Variants in PSG6 observed in about 807,000 individuals in gnomAD.
PSG6 encodes the protein pregnancy specific beta-1-glycoprotein 6, also known as pregnancy-specific beta-1-glycoprotein 6.
PSG6 carries 51 observed loss-of-function variants against 43.3 expected under a neutral mutation model. That is an observed-to-expected ratio of 1.18 (90% CI 0.94 to 1.49). The LOEUF (loss-of-function observed/expected upper bound fraction) is 1.49. PSG6 is among the 40% of genes most tolerant of loss of function. PSG6 has a pLI of 0.00. For synonymous variants in PSG6, 292 were observed against 197.6 expected (o/e 1.48, Z -4.01); for missense variants, 770 against 522.2 (o/e 1.47, Z -4.62).
In PSG6 at chr19:42,902,409, C is replaced by G. The variant is rs1356919104; in HGVS notation, c.*3G>C. On this transcript the variant is annotated 3_prime_UTR_variant, in exon 6 of 6. Transcript: ENST00000187910. ...TTTCTCAGTGTCTCTATTGTGGCAGCCATTAATGAGACTCTGTCTGGTTTC... is the reference window on the plus strand; with the variant it reads ...TTTCTCAGTGTCTCTATTGTGGCAGGCATTAATGAGACTCTGTCTGGTTTC... The G allele has an allele frequency of 1.2e-5, 20 of 1,610,624 alleles. No individual in the cohort carries two copies. Among genetic ancestry groups the G allele is most frequent in the Non-Finnish European group, 1.6e-5 (19 of 1,178,112 alleles).
chr19:42,908,246 T>C (rs1055241686), intron 3 of PSG6, among the ~76,000 whole-genome samples: 1 of 151,650 alleles, frequency 6.6e-6, no homozygotes, highest in African/African-American at 2.4e-5. Flanking sequence ...CCCCCCTAGA[T>C]GTGATTTCTC....
chr19:42,914,943 C>G (rs890022698), intron 2 of PSG6, among the ~76,000 whole-genome samples: 5 of 151,584 alleles, frequency 3.3e-5, no homozygotes, highest in African/African-American at 4.8e-5. Context: ...TTTTTTTGCA[C>G]TGACTCTGGC....
In PSG6 at chr19:42,909,657, T is replaced by C. The variant is rs560690382; in HGVS notation, c.706+923A>G. 2.0e-5 allele frequency: 3 copies of C among 151,912 alleles called. 1 individual carries two copies. In the South Asian group the frequency reaches 6.3e-4, roughly 32 times the overall value. 9.4% of individuals were successfully genotyped at this position (151,912 alleles called of 1,614,324 possible). A position where few individuals can be genotyped will look rare whatever the true frequency, so the allele number is the denominator to read the frequency against. ...TTTGGTTAAACTTATTCCAAAATAT[T>C]TTATTCCTTTTGATGTTAATGTGAA... On this transcript the variant is annotated intron_variant, in intron 3 of 5. Coordinates refer to ENST00000187910, the MANE Select transcript of PSG6 (RefSeq NM_001031850.4).
intron 2 of PSG6, among the ~76,000 whole-genome samples, chr19:42,913,121 T>A (rs1972259410): frequency 1.3e-5 from 2 of 151,612 alleles, no homozygotes; most frequent in Non-Finnish European, 2.9e-5. Flanking sequence ...CTGTGCGGTC[T>A]ATCAGTAAGC....
At position 42,907,606 on chromosome 19, in the gene PSG6, G is replaced by C. The variant is rs200244036; in HGVS notation, c.955C>G (p.Arg319Gly). The C allele has an allele frequency of 8.1e-6, 13 of 1,611,866 alleles. 1 individual carries two copies. The highest frequency in any genetic ancestry group is 1.0e-5 in the Non-Finnish European group (12 of 1,179,112). The change falls in exon 4 of 6, where the codon CGC becomes GGC. Residue 319 changes from arginine (R) to glycine (G), a missense_variant. Transcript: ENST00000187910. ...ACATTCAGGGTGACTGGGTTACTGCGGATGCCACCATATCGGTCCCGTATT... is the reference window on the plus strand; with the variant it reads ...ACATTCAGGGTGACTGGGTTACTGCCGATGCCACCATATCGGTCCCGTATT... ...CEIRDRYGGI[R>G]SNPVTLNVLY...
intron 3 of PSG6, chr19:42,910,141 A>G (rs988778742): frequency 1.0e-5 from 3 of 291,754 alleles, no homozygotes; most frequent in African/African-American, 4.3e-5. Context: ...TAATAGGTGT[A>G]TGAGGAAGAA....
At chr19:42,915,164 T>C (rs1355121235) in intron 2 of PSG6, 1 of 151,686 alleles carries the variant, frequency 6.6e-6, no homozygotes, top group East Asian at 1.9e-4. Context: ...CTCCCCTTTG[T>C]GTTTGTGTGA....
rs766984533 is a variant in PSG6 at position 42,914,637 on chromosome 19, C to T, written c.427+1488G>A. The stretch of plus-strand genomic sequence containing the variant: ...TAGTGGGGGGATGAAACATGGGTGT[C>T]AGCCTCTGAAGGACAAGGGACAGGT... On this transcript the variant is annotated intron_variant, in intron 2 of 5. Transcript: ENST00000187910. 5.9e-5 allele frequency among the ~76,000 whole-genome samples: 9 copies of T among 151,564 alleles called. 1 individual carries two copies. In the East Asian group the frequency reaches 9.7e-4, roughly 16 times the overall value.
At chr19:42,905,855 A>G (rs961146817) in intron 5 of PSG6, among the ~76,000 whole-genome samples, 2 of 151,684 alleles carry the variant, frequency 1.3e-5, no homozygotes, top group Non-Finnish European at 2.9e-5. Context: ...TTTATAAAAG[A>G]TAGTTAGAAT....
At chr19:42,917,585 G>T (rs1476747998) in intron 1 of PSG6, 144 bp downstream of exon 1, 7 of 1,301,276 alleles carry the variant, frequency 5.4e-6, no homozygotes, top group South Asian at 1.3e-5. Context: ...GACTGATCTT[G>T]AACTCCTGAT....
At chr19:42,908,321 A>G (rs2122628132) in intron 3 of PSG6, among the ~76,000 whole-genome samples, 1 of 151,750 alleles carries the variant, frequency 6.6e-6, no homozygotes, top group African/African-American at 2.4e-5. Flanking sequence ...TTGTCCTGAA[A>G]CCCTGCAGAT....
intron 2 of PSG6, among the ~76,000 whole-genome samples, chr19:42,911,325 G>A (rs776614329): frequency 1.9e-4 from 29 of 151,624 alleles, no homozygotes; most frequent in Non-Finnish European, 3.5e-4. Context: ...TTGTCCTTAA[G>A]CCCTTTGGGT....
At chr19:42,903,259 G>T (rs1222930311) in intron 5 of PSG6, among the ~76,000 whole-genome samples, 3 of 151,614 alleles carry the variant, frequency 2.0e-5, no homozygotes, top group Admixed American at 2.0e-4. Flanking sequence ...TACTCTTATT[G>T]CAATTTTCAG....
rs1319287613 is a variant in PSG6, at chr19:42,916,814, T to C, written c.65-327A>G. 2.6e-5 allele frequency among the ~76,000 whole-genome samples: 4 copies of C among 151,352 alleles called. 1 individual carries two copies. Among genetic ancestry groups the C allele is most frequent in the Non-Finnish European group, 5.9e-5 (4 of 67,854 alleles). ...CTCAGGTCCTGCTCACATCAGGGCATCCTTAGACTTCTTTCCTGATGCCTG... is the reference window on the plus strand; with the variant it reads ...CTCAGGTCCTGCTCACATCAGGGCACCCTTAGACTTCTTTCCTGATGCCTG... On this transcript the variant is annotated intron_variant, in intron 1 of 5. Coordinates refer to ENST00000187910, the MANE Select transcript of PSG6 (RefSeq NM_001031850.4).
intron 5 of PSG6, among the ~76,000 whole-genome samples, chr19:42,905,221 G>T (rs1972093289): frequency 6.6e-6 from 1 of 151,690 alleles, no homozygotes; most frequent in Admixed American, 6.6e-5. Context: ...TGATTTCTTG[G>T]TTGTAACAAC....
At chr19:42,911,475 A>C (rs1295615430) in intron 2 of PSG6, among the ~76,000 whole-genome samples, 1 of 151,542 alleles carries the variant, frequency 6.6e-6, no homozygotes, top group Non-Finnish European at 1.5e-5. Context: ...ATAGTGACTG[A>C]GTTGAGCCAA....
chr19:42,904,180 C>A (rs557535171), intron 5 of PSG6, among the ~76,000 whole-genome samples: 1 of 151,428 alleles, frequency 6.6e-6, no homozygotes, highest in South Asian at 2.1e-4. Flanking sequence ...TGTGAAAAAC[C>A]CAATGCTAAC....
chr19:42,905,100 T>C (rs1305172747), intron 5 of PSG6, among the ~76,000 whole-genome samples: 2 of 151,544 alleles, frequency 1.3e-5, no homozygotes, highest in East Asian at 1.9e-4. Context: ...AGTGGAACCT[T>C]TACCTAACAC....
Position 42,902,716 on chromosome 19 carries a change from C to T in PSG6, c.1241-270G>A, listed in dbSNP as rs563262478. Among the ~76,000 whole-genome samples the T allele has an allele frequency of 1.3e-5, 2 of 151,632 alleles. 1 individual carries two copies. Among genetic ancestry groups the T allele is most frequent in the Non-Finnish European group, 2.9e-5 (2 of 67,902 alleles). Reference sequence around the variant, plus strand: ...TCTGTGGGTTCTCCCATACTACCTTCATGCCTGCCCCACATTCCCTCACAG... The same window carrying T: ...TCTGTGGGTTCTCCCATACTACCTTTATGCCTGCCCCACATTCCCTCACAG... On this transcript the variant is annotated intron_variant, in intron 5 of 5. Coordinates refer to ENST00000187910, the MANE Select transcript of PSG6 (RefSeq NM_001031850.4).
Sources: gnomAD v4.1 joint callset for allele counts (sites outside exome capture counted in the v4.1 genomes callset) on GRCh38, gnomAD v4.1.1 for gene constraint, MANE v1.5 for transcripts, NCBI Gene and HGNC (gene_info 2026-07-23, HGNC 2026-07-21) for gene names.